The following SLC52A3 variants were observed in gnomAD, a reference collection of about 807,000 sequenced individuals.
The protein encoded by SLC52A3 is solute carrier family 52, riboflavin transporter, member 3.
SLC52A3 carries 20 observed loss-of-function variants against 29.5 expected under a neutral mutation model. That is an observed-to-expected ratio of 0.68 (90% CI 0.48 to 0.99). The LOEUF is 0.99. Ranked by LOEUF, SLC52A3 falls within the 50% of genes least tolerant of loss-of-function variation. The probability of loss-of-function intolerance (pLI) is 0.00; values close to 1 mark genes in which losing one functional copy is unlikely to be tolerated. For synonymous variants in SLC52A3, 301 were observed against 271.0 expected (o/e 1.11, Z -1.09); for missense variants, 548 against 612.9 (o/e 0.89, Z 1.12).
At chr20:766,202 TG>T (rs1185221058) in intron 1 of SLC52A3, 2 of 91,642 alleles carry the variant, frequency 2.2e-5, no homozygotes, top group Non-Finnish European at 5.4e-5. Context: ...CCCAAAGTGC[TG>T]GGATTACAGT....
rs777993030 is a variant in SLC52A3, at chr20:761,314, G to T, written c.1198-76C>A. 1.9e-5 allele frequency: 27 copies of T among 1,418,880 alleles called. No individual in the cohort carries two copies. The African/African-American group carries it at 3.4e-4, about 18-fold the overall frequency. 87.9% of individuals were successfully genotyped at this position (1,418,880 alleles called of 1,614,324 possible). A position where few individuals can be genotyped will look rare whatever the true frequency, so the allele number is the denominator to read the frequency against. ...GCGCCGGAGCAAAGAACTCTCACAG[G>T]GCTCAGGGGAACCCACGGAATACTC... On this transcript the variant is annotated intron_variant, in intron 4 of 4. Transcript: ENST00000645534.
Position 761,291 on chromosome 20 carries a change from G to A in SLC52A3, c.1198-53C>T. 4 of 1,489,830 alleles carry A rather than the reference G, an allele frequency of 2.7e-6. No individual in the cohort carries two copies. The Admixed American group carries it at 6.1e-5, about 23-fold the overall frequency. 92.3% of individuals were successfully genotyped at this position (1,489,830 alleles called of 1,614,324 possible). A position where few individuals can be genotyped will look rare whatever the true frequency, so the allele number is the denominator to read the frequency against. ...GAGTCACGGGGCTTGCGGGGCGAGC[G>A]CCGGAGCAAAGAACTCTCACAGGGC... On this transcript the variant is annotated intron_variant, in intron 4 of 4. Transcript: ENST00000645534.
intron 3 of SLC52A3, among the ~76,000 whole-genome samples, chr20:762,666 G>GT (rs1599957046): frequency 6.6e-6 from 1 of 152,272 alleles, no homozygotes; most frequent in East Asian, 1.9e-4. Flanking sequence ...TGAGCCTTTG[G>GT]TCCTGCTTCC....
At chr20:761,878 CCCGCCCCACTGGGCGG>C in intron 3 of SLC52A3, 54 bp from the exon 4 acceptor site, 1 of 1,612,976 alleles carries the variant, frequency 6.2e-7, no homozygotes, top group Non-Finnish European at 8.5e-7. Context: ...CTCTGACCCC[CCCGCCCCACTGGGCGG>C]CATGTGGATG....
At chr20:779,227 G>A (rs994698108), upstream of SLC52A3, among the ~76,000 whole-genome samples, 15 of 152,288 alleles carry the variant, frequency 9.8e-5, no homozygotes, top group African/African-American at 3.4e-4. Context: ...TAAAAAGAAG[G>A]ATGTTTACAA....
Position 765,273 on chromosome 20 carries a change from T to G in SLC52A3, c.502A>C (p.Asn168His), listed in dbSNP as rs1337277627. ...ACGCTGTCTGATATCTCAGTGACAT[T>G]GACGCAGGTAGTGAGACCGGAGCCC... Reference protein sequence around the residue: ...AQGSGLTTCVNVTEISDSVPS... With the variant: ...AQGSGLTTCVHVTEISDSVPS... Residue 168 changes from asparagine (N) to histidine (H), a missense_variant, in exon 2 of 5, where the codon AAT (asparagine) becomes CAT (histidine). Physicochemically the swap from Asn to His is moderately conservative, Grantham distance 68. Around this residue, in one of 2 missense-constraint regions of SLC52A3, gnomAD observed 375 missense variants for 471.1 expected, o/e 0.80. Transcript: ENST00000645534. This position sits in a 1 kb window ranked among gnomAD's most constrained non-coding sequence, Gnocchi z 6.6. 3.1e-6 allele frequency: 5 copies of G among 1,613,966 alleles called. No homozygotes were observed. Among genetic ancestry groups the G allele is most frequent in the Non-Finnish European group, 3.4e-6 (4 of 1,180,028 alleles).
chr20:767,862 C>A lies in SLC52A3; in HGVS notation c.-52+435G>T, dbSNP rs1282901704. 2.0e-5 allele frequency among the ~76,000 whole-genome samples: 3 copies of A among 152,294 alleles called. No individual in the cohort carries two copies. The East Asian group carries it at 5.8e-4, about 29-fold the overall frequency. On this transcript the variant is annotated intron_variant, in intron 1 of 4. Coordinates refer to ENST00000645534, the MANE Select transcript of SLC52A3 (RefSeq NM_033409.4). ...ATCTGTTTACCCCTTTGTCAGCTAC[C>A]AGTGGCAGCCCACCTGTGCTGTTAC...
upstream of SLC52A3, among the ~76,000 whole-genome samples, chr20:771,063 T>C (rs982806256): frequency 6.6e-6 from 1 of 152,246 alleles, no homozygotes; most frequent in African/African-American, 2.4e-5. Context: ...TTGTTTAATG[T>C]TGTTGTTAAA....
upstream of SLC52A3, among the ~76,000 whole-genome samples, chr20:777,924 G>A (rs1413887200): frequency 6.6e-6 from 1 of 151,356 alleles, no homozygotes; most frequent in Admixed American, 6.6e-5. Flanking sequence ...TTTGGTAAAA[G>A]AAATTTACAT....
chr20:761,418 G>A, intron 4 of SLC52A3, 180 bp from the exon 5 acceptor site: 1 of 796,118 alleles, frequency 1.3e-6, no homozygotes, highest in Non-Finnish European at 1.9e-6. Context: ...GGGGGCGAAG[G>A]AGAATCCAGT....
chr20:777,093 G>A (rs1000226577), upstream of SLC52A3, among the ~76,000 whole-genome samples: 3 of 152,014 alleles, frequency 2.0e-5, no homozygotes, highest in Admixed American at 6.5e-5. Flanking sequence ...AAAATTAGCC[G>A]GGCATGATGG....
upstream of SLC52A3, among the ~76,000 whole-genome samples, chr20:778,729 CTTT>C (rs375771938): frequency 7.0e-6 from 1 of 142,002 alleles, no homozygotes. Context: ...CTTTCTTCTT[CTTT>C]TTTTTTTTTT....
Position 763,928 on chromosome 20 carries a change from G to T in SLC52A3, c.643C>A (p.Pro215Thr). ...PLSHLESRYL[P>T]AHFSPLVFFL... ...AAGACCAGGGGTGAGAAGTGGGCGG[G>T]AAGGTAGCGGCTCTCCAGGTGGGAC... is the stretch of plus-strand genomic sequence containing the variant. Residue 215 changes from proline (P) to threonine (T), a missense_variant, in exon 3 of 5, where the codon CCC becomes ACC. By Grantham distance (38) the Pro-to-Thr change is conservative. Around this residue, in one of 2 missense-constraint regions of SLC52A3, gnomAD observed 375 missense variants for 471.1 expected, o/e 0.80. Transcript: ENST00000645534. 1 of 1,613,874 alleles carries T rather than the reference G, an allele frequency of 6.2e-7. No individual in the cohort carries two copies. Among genetic ancestry groups the T allele is most frequent in the South Asian group, 1.1e-5 (1 of 91,050 alleles).
upstream of SLC52A3, among the ~76,000 whole-genome samples, chr20:777,036 G>C (rs1368751558): frequency 6.6e-6 from 1 of 152,042 alleles, no homozygotes; most frequent in Non-Finnish European, 1.5e-5. Context: ...AGGAATTCAG[G>C]ACCAGCCTGA....
At chr20:764,025 C>T in intron 2 of SLC52A3, 22 bp from the exon 3 acceptor site, 1 of 681,412 alleles carries the variant, frequency 1.5e-6, no homozygotes. Flanking sequence ...AAGACAGATC[C>T]CTGGTCAGGG....
chr20:765,328 G>T lies in SLC52A3; in HGVS notation c.447C>A (p.Gly149=), dbSNP rs780649073. The change falls in exon 2 of 5, where the codon GGC becomes GGA. Residue 149 remains glycine (G), a synonymous_variant. Coordinates refer to ENST00000645534, the MANE Select transcript of SLC52A3 (RefSeq NM_033409.4). This position sits in a 1 kb window ranked among gnomAD's most constrained non-coding sequence, Gnocchi z 6.6. ...TTFFVGEGLS[G]LLPALVALAQ... is the part of the protein sequence containing the mutation. ...CAAGAGCCACCAGGGCGGGCAAGAG[G>T]CCGCTGAGTCCTTCACCCACAAAGA... is the stretch of plus-strand genomic sequence containing the variant. 4.3e-6 allele frequency: 7 copies of T among 1,614,114 alleles called. No homozygotes were observed. The highest frequency in any genetic ancestry group is 5.9e-6 in the Non-Finnish European group (7 of 1,180,002).
At chr20:773,088 G>C (rs1206476241), upstream of SLC52A3, among the ~76,000 whole-genome samples, 2 of 152,206 alleles carry the variant, frequency 1.3e-5, no homozygotes, top group African/African-American at 4.8e-5. Context: ...AAAAAGCTCC[G>C]TGAGTGGGCA....
upstream of SLC52A3, among the ~76,000 whole-genome samples, chr20:769,913 A>T (rs537041086): frequency 1.3e-5 from 2 of 152,252 alleles, no homozygotes; most frequent in South Asian, 2.1e-4. Context: ...GAAAAAATAA[A>T]AAAAAGGCGC....
rs113342250 is a variant in SLC52A3, at chr20:760,527, C to A, written c.*499G>T. On this transcript the variant is annotated 3_prime_UTR_variant, in exon 5 of 5. Coordinates refer to ENST00000645534, the MANE Select transcript of SLC52A3 (RefSeq NM_033409.4). The surrounding 1 kb of genome is among the most constrained non-coding windows in gnomAD (Gnocchi z 4.9). The stretch of plus-strand genomic sequence containing the variant: ...GTGCAGACTGCCACTCTTGTTACTA[C>A]GATGGACTGTCAGATCAGCAGGTGG... The A allele has an allele frequency of 6.0e-6, 1 of 166,946 alleles. No individual in the cohort carries two copies. Among genetic ancestry groups the A allele is most frequent in the African/African-American group, 2.4e-5 (1 of 41,932 alleles). The allele number at this position is 166,946 out of a possible 1,614,324, so 10.3% of individuals were successfully genotyped here. A position where few individuals can be genotyped will look rare whatever the true frequency, so the allele number is the denominator to read the frequency against.
Sources: allele counts gnomAD v4.1 joint callset (sites outside exome capture counted in the v4.1 genomes callset), GRCh38; gene constraint gnomAD v4.1.1; regional missense constraint gnomAD v4.1.1; non-coding constraint Gnocchi (gnomAD v3.1); transcripts MANE v1.5; gene names NCBI Gene and HGNC (gene_info 2026-07-23, HGNC 2026-07-21).